The following NBPF20 variants were observed in gnomAD, a reference collection of about 807,000 sequenced individuals.
NBPF20 encodes NBPF member 20.
Under a neutral mutation model 68.1 loss-of-function variants are expected in NBPF20, and 90 were observed. That is an observed-to-expected ratio of 1.32 (90% CI 1.11 to 1.58). The LOEUF is 1.58. Ranked by LOEUF, NBPF20 falls within the 40% of genes most tolerant of loss-of-function variation. The pLI, the probability that NBPF20 is intolerant of heterozygous loss-of-function variation, is 0.00. For synonymous variants in NBPF20, 290 were observed against 228.1 expected (o/e 1.27, Z -2.45); for missense variants, 816 against 601.2 (o/e 1.36, Z -3.74).
At chr1:145,415,284 A>T in the NBPF20 span, among the ~76,000 whole-genome samples, 1 of 151,824 alleles carries the variant, frequency 6.6e-6, no homozygotes, top group South Asian at 2.1e-4. Context: ...CTCCTATCTC[A>T]GTAGATGGAA....
chr1:145,397,221 A>G (rs1300713643), intron 7 of NBPF20, among the ~76,000 whole-genome samples: 5 of 150,376 alleles, frequency 3.3e-5, no homozygotes, highest in African/African-American at 1.2e-4. Context: ...TAGTGCCACA[A>G]TAAACATATG....
chr1:145,366,609 G>C lies in NBPF20; in HGVS notation c.5154-257C>G, dbSNP rs112339597. Among the ~76,000 whole-genome samples, 596 of 84,936 alleles carry C rather than the reference G, an allele frequency of 7.0e-3. 9 individuals carry two copies. Among genetic ancestry groups the C allele is most frequent in the East Asian group, 0.03 (64 of 2,104 alleles). 55.7% of individuals were successfully genotyped at this position (84,936 alleles called of 152,430 possible). On this transcript the variant is annotated intron_variant, in intron 43 of 137. Transcript: ENST00000369373. ...ACACACAGACACACACACACACACA[G>C]AGAGAACGAGCTCAGTGAATTGTCC...
At chr1:145,397,379 C>T (rs1662302170) in intron 7 of NBPF20, among the ~76,000 whole-genome samples, 1 of 152,146 alleles carries the variant, frequency 6.6e-6, no homozygotes, top group East Asian at 1.9e-4. Context: ...GTTTACAGTC[C>T]CACCAACAGT....
chr1:145,406,531 T>G (rs1434666851), upstream of NBPF20, among the ~76,000 whole-genome samples: 1 of 151,936 alleles, frequency 6.6e-6, no homozygotes, highest in Non-Finnish European at 1.5e-5. Flanking sequence ...TTTTGCAAAG[T>G]ATTTGTATTG....
intron 5 of NBPF20, 126 bp downstream of exon 10, chr1:145,400,933 T>A (rs1662494048): frequency 1.0e-5 from 12 of 1,175,054 alleles, no homozygotes; most frequent in Non-Finnish European, 1.4e-5. Context: ...AGCTGGGTTA[T>A]ATTTCACATA....
At chr1:145,393,670 T>G (rs1391900215) in intron 9 of NBPF20, 1 of 1,343,434 alleles carries the variant, frequency 7.4e-7, no homozygotes, top group Non-Finnish European at 1.0e-6. Context: ...TTTTGAGTTA[T>G]GGTCAACTTT....
At chr1:145,372,610 G>T in exon 36 of NBPF20, 1 of 229,970 alleles carries the variant, frequency 4.3e-6, no homozygotes, top group South Asian at 2.8e-5. Flanking sequence ...ATAACCTGAA[G>T]GAGTCGAATA....
the NBPF20 span, among the ~76,000 whole-genome samples, chr1:145,422,899 G>C: frequency 5.4e-5 from 8 of 148,786 alleles, no homozygotes; most frequent in African/African-American, 2.0e-4. Flanking sequence ...TGAGGTGGGA[G>C]GATCGCTTGA....
chr1:145,292,563 C>T (rs1351932267), intron 136 of NBPF20, 74 bp from the exon 142 acceptor site: 4 of 732,958 alleles, frequency 5.5e-6, no homozygotes, highest in South Asian at 1.4e-5. Context: ...CTGTCTAATC[C>T]TCACACAGGG....
chr1:145,400,713 G>T, intron 5 of NBPF20, 119 bp from the exon 11 acceptor site: 6 of 1,467,872 alleles, frequency 4.1e-6, no homozygotes, highest in Non-Finnish European at 5.7e-6. Context: ...AAGCAAAATG[G>T]AGGTTCCCAT....
At chr1:145,419,053 G>A in the NBPF20 span, among the ~76,000 whole-genome samples, 2 of 144,728 alleles carry the variant, frequency 1.4e-5, no homozygotes, top group African/African-American at 2.6e-5. Context: ...GGAAAGAATG[G>A]AGGGAGGGAA....
chr1:145,419,358 C>T, the NBPF20 span, among the ~76,000 whole-genome samples: 1 of 152,196 alleles, frequency 6.6e-6, no homozygotes, highest in East Asian at 1.9e-4. Context: ...GAGACAGACG[C>T]ACTACTGTAA....
the NBPF20 span, among the ~76,000 whole-genome samples, chr1:145,415,064 G>A: frequency 9.2e-5 from 14 of 152,154 alleles, no homozygotes; most frequent in South Asian, 1.0e-3. Context: ...GATCATTATC[G>A]GGCATTTCCG....
intron 7 of NBPF20, among the ~76,000 whole-genome samples, chr1:145,397,923 G>A (rs1427191894): frequency 6.6e-6 from 1 of 152,034 alleles, no homozygotes; most frequent in Non-Finnish European, 1.5e-5. Context: ...AAAAAAGGCA[G>A]GGGTTGCAAT....
In NBPF20 at chr1:145,291,771, TG is replaced by T; in HGVS notation, c.16698-3del. The T allele has an allele frequency of 6.2e-7, 1 of 1,611,488 alleles. No individual in the cohort carries two copies. On this transcript the variant is annotated splice_region_variant and splice_polypyrimidine_tract_variant and intron_variant, in intron 137 of 137. Coordinates refer to ENST00000369373, the Ensembl canonical transcript of NBPF20. The stretch of plus-strand genomic sequence containing the variant: ...ACTTCCATCAGCACGCCGTTGAGCC[TG>T]GAAAAGGAGACAAAACTAAAGAAGC...
chr1:145,424,491 C>A, the NBPF20 span, among the ~76,000 whole-genome samples: 937 of 152,312 alleles, frequency 6.2e-3, 10 homozygotes, highest in Middle Eastern at 0.01. Context: ...ACCAGCAGAT[C>A]TTTTCTTTAA....
upstream of NBPF20, chr1:145,405,671 C>G (rs1662744077): frequency 1.1e-5 from 6 of 556,164 alleles, no homozygotes; most frequent in Non-Finnish European, 1.9e-5. Context: ...CTAGTCTCAC[C>G]TGAGGGTCAC....
chr1:145,392,950 G>C lies in NBPF20; in HGVS notation c.1216+124C>G. 5.7e-6 allele frequency: 2 copies of C among 350,144 alleles called. 1 individual carries two copies. Among genetic ancestry groups the C allele is most frequent in the Non-Finnish European group, 9.5e-6 (2 of 209,870 alleles). 21.7% of individuals were successfully genotyped at this position (350,144 alleles called of 1,614,324 possible). A position where few individuals can be genotyped will look rare whatever the true frequency, so the allele number is the denominator to read the frequency against. On this transcript the variant is annotated intron_variant, in intron 10 of 137. Coordinates refer to ENST00000369373, the Ensembl canonical transcript of NBPF20. ...AACTAGAGTTTCATTCAACCTACATGTGCCTATAGGACCTCCCTGTGGCAA... is the reference window on the plus strand; with the variant it reads ...AACTAGAGTTTCATTCAACCTACATCTGCCTATAGGACCTCCCTGTGGCAA...
Position 145,402,648 on chromosome 1 carries a change from C to T in NBPF20, c.279-267G>A, listed in dbSNP as rs1190017277. Among the ~76,000 whole-genome samples the T allele has an allele frequency of 4.4e-4, 67 of 151,252 alleles. 1 individual carries two copies. In the South Asian group the frequency reaches 6.0e-3, roughly 13 times the overall value. Reference sequence around the variant, plus strand: ...ACAAAAGTAGGTGTCTTCCTAATTCCGTTTCAAAAAGACATCCTTTCAGTT... The same window carrying T: ...ACAAAAGTAGGTGTCTTCCTAATTCTGTTTCAAAAAGACATCCTTTCAGTT... On this transcript the variant is annotated intron_variant, in intron 3 of 137. Coordinates refer to ENST00000369373, the Ensembl canonical transcript of NBPF20.
Sources: allele counts gnomAD v4.1 joint callset (sites outside exome capture counted in the v4.1 genomes callset), GRCh38; gene constraint gnomAD v4.1.1; transcripts MANE v1.5; gene names NCBI Gene and HGNC (gene_info 2026-07-23, HGNC 2026-07-21).